Variants in HAUS6 observed in about 807,000 individuals in gnomAD.
HAUS6 encodes the protein HAUS augmin like complex subunit 6.
A neutral mutation model predicts 106.8 loss-of-function variants in HAUS6; 80 were observed. That is an observed-to-expected ratio of 0.75 (90% confidence interval 0.63 to 0.90). The LOEUF is 0.90. Among genes scored for constraint, HAUS6 ranks in the 40% least tolerant of loss-of-function variants. HAUS6 has a pLI of 0.00. For missense variants in HAUS6, 1,155 were observed against 1,118.1 expected, an observed-to-expected ratio of 1.03 and a Z score of -0.47; for synonymous variants, 356 against 379.1, an observed-to-expected ratio of 0.94 and a Z score of 0.71.
At chr9:19,066,087 C>A (rs1196530417) in intron 12 of HAUS6, among the ~76,000 whole-genome samples, 1 of 151,714 alleles carries the variant, frequency 6.6e-6, no homozygotes, top group African/African-American at 2.4e-5. Flanking sequence ...AGGTGCCGAC[C>A]ACCACACCTG....
chr9:19,053,506 C>T lies in HAUS6; in HGVS notation c.*2837G>A, dbSNP rs1836402213. 1 of 152,094 alleles carries T rather than the reference C, an allele frequency of 6.6e-6. No individual in the cohort carries two copies. Among genetic ancestry groups the T allele is most frequent in the African/African-American group, 2.4e-5 (1 of 41,412 alleles). 9.4% of individuals were successfully genotyped at this position (152,094 alleles called of 1,614,324 possible). On this transcript the variant is annotated 3_prime_UTR_variant, in exon 17 of 17. Coordinates refer to ENST00000380502, the MANE Select transcript of HAUS6 (RefSeq NM_017645.5). ...AATACTCATATTTTTGTTTTCAGCTCAATTTCCCCCAAATGTTAACTTCAG... is the reference window on the plus strand; with the variant it reads ...AATACTCATATTTTTGTTTTCAGCTTAATTTCCCCCAAATGTTAACTTCAG...
intron 12 of HAUS6, among the ~76,000 whole-genome samples, chr9:19,068,311 A>T (rs1836809359): frequency 6.6e-6 from 1 of 152,106 alleles, no homozygotes; most frequent in Non-Finnish European, 1.5e-5. Flanking sequence ...AATTAACATC[A>T]AATCCAGATA....
chr9:19,094,551 G>C (rs1304618642), intron 2 of HAUS6, among the ~76,000 whole-genome samples, 156 bp from the exon 3 acceptor site: 1 of 152,102 alleles, frequency 6.6e-6, no homozygotes, highest in East Asian at 1.9e-4. Context: ...CAGCACTTTG[G>C]AAAGCCAATG....
Position 19,054,948 on chromosome 9 carries a change from T to C in HAUS6, c.*1395A>G, listed in dbSNP as rs1836437775. ...CTAAAGGTTTCCCCATAGACCTGCATAGTCCCTGATTTGTTTTATTAACTA... is the reference window on the plus strand; with the variant it reads ...CTAAAGGTTTCCCCATAGACCTGCACAGTCCCTGATTTGTTTTATTAACTA... On this transcript the variant is annotated 3_prime_UTR_variant, in exon 17 of 17. Transcript: ENST00000380502. 1.3e-5 allele frequency: 2 copies of C among 152,228 alleles called. No homozygotes were observed. Among genetic ancestry groups the C allele is most frequent in the South Asian group, 2.1e-4 (1 of 4,834 alleles). The allele number at this position is 152,228 out of a possible 1,614,324, so 9.4% of individuals were successfully genotyped here.
chr9:19,067,573 A>G (rs540356052), intron 12 of HAUS6, among the ~76,000 whole-genome samples: 1 of 152,332 alleles, frequency 6.6e-6, no homozygotes, highest in Admixed American at 6.5e-5. Flanking sequence ...AAGTATATCT[A>G]ATAGACCTTC....
intron 2 of HAUS6, among the ~76,000 whole-genome samples, chr9:19,095,987 T>A (rs1246801194): frequency 6.6e-6 from 1 of 152,154 alleles, no homozygotes; most frequent in Non-Finnish European, 1.5e-5. Context: ...GGAAAAGTAG[T>A]AAGGCACAGA....
At chr9:19,079,160 GT>G (rs1183648872) in intron 9 of HAUS6, among the ~76,000 whole-genome samples, 5 of 117,804 alleles carry the variant, frequency 4.2e-5, no homozygotes, top group African/African-American at 1.6e-4. Context: ...GGGAAATGCC[GT>G]CTCAAAAAAA....
intron 1 of HAUS6, among the ~76,000 whole-genome samples, chr9:19,101,167 T>C (rs973165147): frequency 6.6e-6 from 1 of 152,212 alleles, no homozygotes; most frequent in Admixed American, 6.5e-5. Flanking sequence ...TCCTTATACA[T>C]TGTATAAGTG....
chr9:19,100,424 G>C (rs1817963569), intron 1 of HAUS6, among the ~76,000 whole-genome samples: 1 of 152,186 alleles, frequency 6.6e-6, no homozygotes, highest in African/African-American at 2.4e-5. Flanking sequence ...ATTTAAAGTG[G>C]ACATGTGTTA....
intron 12 of HAUS6, 62 bp from the exon 13 acceptor site, chr9:19,063,642 G>A (rs377458377): frequency 8.6e-5 from 94 of 1,087,878 alleles, no homozygotes; most frequent in Admixed American, 4.2e-4. Context: ...TTCCCTTTAC[G>A]AGTCTATTCT....
intron 14 of HAUS6, among the ~76,000 whole-genome samples, chr9:19,061,188 T>C (rs981121416): frequency 5.3e-5 from 8 of 151,960 alleles, no homozygotes; most frequent in Admixed American, 2.6e-4. Context: ...AAATAAAATT[T>C]AAAAATACAA....
intron 7 of HAUS6, among the ~76,000 whole-genome samples, chr9:19,084,097 A>C (rs948783411): frequency 3.3e-5 from 5 of 151,912 alleles, no homozygotes; most frequent in Admixed American, 3.3e-4. Flanking sequence ...TATTTGTAAC[A>C]ATCAAAAAGT....
intron 8 of HAUS6, among the ~76,000 whole-genome samples, chr9:19,081,017 A>G (rs574281440): frequency 1.3e-5 from 2 of 152,224 alleles, no homozygotes; most frequent in African/African-American, 4.8e-5. Context: ...GGTTGCAGTG[A>G]GCCGAGATTG....
chr9:19,090,206 G>T lies in HAUS6; in HGVS notation c.437-647C>A, dbSNP rs144484789. On this transcript the variant is annotated intron_variant, in intron 4 of 16. Transcript: ENST00000380502. Reference sequence around the variant, plus strand: ...GCAACTAAAAAAGATTTCTAAAGGCGAGTTATTTTACACAATTAAAAATTT... The same window carrying T: ...GCAACTAAAAAAGATTTCTAAAGGCTAGTTATTTTACACAATTAAAAATTT... Among the ~76,000 whole-genome samples the T allele has an allele frequency of 4.1e-3, 628 of 151,930 alleles. 3 individuals carry two copies. The highest frequency in any genetic ancestry group is 0.015 in the African/African-American group (603 of 41,452).
chr9:19,056,767 ATTGT>A, intron 16 of HAUS6: 1 of 172,276 alleles, frequency 5.8e-6, no homozygotes, highest in Non-Finnish European at 1.2e-5. Context: ...TGCCCAGCTA[ATTGT>A]TTAATTTTTT....
chr9:19,082,348 T>TA (rs1368612032), intron 8 of HAUS6, among the ~76,000 whole-genome samples: 3 of 152,236 alleles, frequency 2.0e-5, no homozygotes, highest in Non-Finnish European at 4.4e-5. Flanking sequence ...GTCTGTACTA[T>TA]ATGATGTAGT....
At chr9:19,057,728 A>C in intron 16 of HAUS6, 1 of 429,042 alleles carries the variant, frequency 2.3e-6, no homozygotes, top group Non-Finnish European at 4.1e-6. Context: ...TAAGCTTCAG[A>C]TTGGGGGGGC....
In HAUS6 at chr9:19,087,178, G is replaced by A. The variant is rs1203403758; in HGVS notation, c.585-22C>T. The A allele has an allele frequency of 2.3e-6, 3 of 1,294,620 alleles. No individual in the cohort carries two copies. The African/African-American group carries it at 4.4e-5, about 19-fold the overall frequency. 80.2% of individuals were successfully genotyped at this position (1,294,620 alleles called of 1,614,324 possible). A position where few individuals can be genotyped will look rare whatever the true frequency, so the allele number is the denominator to read the frequency against. ...TAATCTGCAAGAAAACATACAAAAT[G>A]ACAACTATAATACCATTACGATTAA... On this transcript the variant is annotated intron_variant, in intron 5 of 16. Transcript: ENST00000380502.
chr9:19,079,419 C>T (rs1031546888), intron 9 of HAUS6, among the ~76,000 whole-genome samples: 7 of 151,240 alleles, frequency 4.6e-5, no homozygotes, highest in African/African-American at 1.5e-4. Flanking sequence ...TTGGTAGGGA[C>T]GCAGTTTCCC....
Sources: allele counts gnomAD v4.1 joint callset (sites outside exome capture counted in the v4.1 genomes callset), GRCh38; gene constraint gnomAD v4.1.1; transcripts MANE v1.5; gene names NCBI Gene and HGNC (gene_info 2026-07-23, HGNC 2026-07-21).